RAB21: variants seen among roughly 807,000 people sequenced by gnomAD.
RAB21 encodes the protein ras-related protein Rab-21.
Under a neutral mutation model 33.1 loss-of-function variants are expected in RAB21, and 13 were observed. The observed-to-expected ratio is 0.39, with a 90% confidence interval of 0.26 to 0.62. RAB21 has a LOEUF of 0.62. Ranked by LOEUF, RAB21 falls within the 20% of genes least tolerant of loss-of-function variation. The pLI is 0.48. For missense variants in RAB21, 234 were observed against 279.1 expected, an observed-to-expected ratio of 0.84 and a Z score of 1.15; for synonymous variants, 91 against 103.7, an observed-to-expected ratio of 0.88 and a Z score of 0.74.
At chr12:71,769,755 C>A in intron 1 of RAB21, 45 bp from the exon 2 acceptor site, 1 of 1,049,390 alleles carries the variant, frequency 9.5e-7, no homozygotes, top group Non-Finnish European at 1.3e-6. Context: ...GATAAAGAAC[C>A]TTATTTTATA....
rs1430049503 is a variant in RAB21 at position 71,794,506 on chromosome 12, G to A, written c.*8833G>A. On this transcript the variant is annotated 3_prime_UTR_variant, in exon 7 of 7. Transcript: ENST00000261263. ...GGCCAGAGTGCAGTGGCGCTATCTC[G>A]GCTCACTGCAAGCTCCGGCTCCCGA... 6.6e-5 allele frequency: 8 copies of A among 121,056 alleles called. No individual in the cohort carries two copies. Among genetic ancestry groups the A allele is most frequent in the Non-Finnish European group, 9.6e-5 (6 of 62,350 alleles). The allele number at this position is 121,056 out of a possible 1,614,324, so 7.5% of individuals were successfully genotyped here.
At chr12:71,772,435 G>C (rs1883057360) in intron 3 of RAB21, among the ~76,000 whole-genome samples, 1 of 152,168 alleles carries the variant, frequency 6.6e-6, no homozygotes, top group Non-Finnish European at 1.5e-5. Flanking sequence ...TTCAGAGGGT[G>C]GGGAATTTGA....
rs775817284 is a variant in RAB21, at chr12:71,782,602, A to G, written c.479A>G (p.His160Arg). The G allele has an allele frequency of 8.1e-6, 13 of 1,603,602 alleles. No individual in the cohort carries two copies. Among genetic ancestry groups the G allele is most frequent in the Non-Finnish European group, 1.1e-5 (13 of 1,173,892 alleles). The change falls in exon 6 of 7, where the codon CAT (histidine) becomes CGT (arginine). Residue 160 changes from histidine (H) to arginine (R), a missense_variant. By Grantham distance (29) the His-to-Arg change is conservative. Coordinates refer to ENST00000261263, the MANE Select transcript of RAB21 (RefSeq NM_014999.4). ...YAESVGAKHY[H>R]TSAKQNKGIE... ...GAATCTGTGGGAGCAAAACATTATC[A>G]TACTTCAGCCAAACAGAACAAAGGA...
intron 4 of RAB21, among the ~76,000 whole-genome samples, chr12:71,780,530 A>G (rs930524020): frequency 3.9e-5 from 6 of 152,226 alleles, no homozygotes; most frequent in Non-Finnish European, 8.8e-5. Context: ...AGTTAGAACT[A>G]ATATGAAACT....
At chr12:71,776,066 GT>G in intron 4 of RAB21, among the ~76,000 whole-genome samples, 1 of 152,262 alleles carries the variant, frequency 6.6e-6, no homozygotes, top group Middle Eastern at 3.4e-3. Context: ...TCAGTACTGA[GT>G]TTTGTGTAAC....
intron 1 of RAB21, among the ~76,000 whole-genome samples, chr12:71,768,997 G>GGT (rs1020547632): frequency 3.9e-5 from 6 of 152,110 alleles, no homozygotes; most frequent in Non-Finnish European, 8.8e-5. Context: ...AGACCCACAA[G>GGT]GTAAAGTCCA....
In RAB21 at chr12:71,755,191, A is replaced by G. The variant is rs766974198; in HGVS notation, c.62A>G (p.Lys21Arg). The change falls in exon 1 of 7, where the codon AAG (lysine) becomes AGG (arginine). Residue 21 changes from lysine (K) to arginine (R), a missense_variant. By Grantham distance (26) the Lys-to-Arg change is conservative. Coordinates refer to ENST00000261263, the MANE Select transcript of RAB21 (RefSeq NM_014999.4). ...AAAAGRAYSF[K>R]VVLLGEGCVG... ...GCGGCGGGCCGAGCCTACTCGTTCA[A>G]GGTGGTGCTGCTGGGGGAAGGCTGC... The G allele has an allele frequency of 1.3e-6, 2 of 1,519,208 alleles. No individual in the cohort carries two copies. Among genetic ancestry groups the G allele is most frequent in the South Asian group, 1.3e-5 (1 of 78,078 alleles). The allele number at this position is 1,519,208 out of a possible 1,614,324, so 94.1% of individuals were successfully genotyped here.
At chr12:71,771,755 C>G (rs941115589) in intron 3 of RAB21, among the ~76,000 whole-genome samples, 7 of 152,118 alleles carry the variant, frequency 4.6e-5, no homozygotes, top group African/African-American at 1.7e-4. Flanking sequence ...CAGCGGGTCA[C>G]TTGAGGTCGG....
Position 71,791,830 on chromosome 12 carries a change from C to T in RAB21, c.*6157C>T, listed in dbSNP as rs1237349900. ...TATATCAAATTCCACCCTCAACTGA[C>T]CAATTTACCAAGGCCAACTAGAATC... On this transcript the variant is annotated 3_prime_UTR_variant, in exon 7 of 7. Transcript: ENST00000261263. The T allele has an allele frequency of 6.6e-6, 1 of 152,142 alleles. No individual in the cohort carries two copies. The highest frequency in any genetic ancestry group is 1.5e-5 in the Non-Finnish European group (1 of 68,044). The allele number at this position is 152,142 out of a possible 1,614,324, so 9.4% of individuals were successfully genotyped here.
chr12:71,781,730 C>G (rs755105022), intron 4 of RAB21, among the ~76,000 whole-genome samples: 24 of 152,140 alleles, frequency 1.6e-4, no homozygotes, highest in Non-Finnish European at 2.5e-4. Context: ...AGGTTTATCT[C>G]TAGGTCTCTG....
At chr12:71,783,482 G>T (rs1428690622) in intron 6 of RAB21, among the ~76,000 whole-genome samples, 2 of 151,214 alleles carry the variant, frequency 1.3e-5, no homozygotes, top group African/African-American at 4.9e-5. Context: ...ACACATTTTG[G>T]AATAAATTAG....
At chr12:71,771,841 T>G (rs1263957701) in intron 3 of RAB21, among the ~76,000 whole-genome samples, 1 of 151,978 alleles carries the variant, frequency 6.6e-6, no homozygotes, top group Non-Finnish European at 1.5e-5. Flanking sequence ...CTGGGTTTGG[T>G]GGCACATGCC....
At chr12:71,783,872 TC>T (rs1382898436) in intron 6 of RAB21, among the ~76,000 whole-genome samples, 13 of 151,706 alleles carry the variant, frequency 8.6e-5, no homozygotes, top group Admixed American at 8.5e-4. Context: ...CTCCCTTCCT[TC>T]CTTCTGATAA....
In RAB21 at chr12:71,788,601, A is replaced by G. The variant is rs1883330865; in HGVS notation, c.*2928A>G. The stretch of plus-strand genomic sequence containing the variant: ...ATATACCTTTTGCATTCTTTTTCTG[A>G]TAATTGTGCTATTAGGCAGAAGACA... On this transcript the variant is annotated 3_prime_UTR_variant, in exon 7 of 7. Transcript: ENST00000261263. 1 of 152,152 alleles carries G rather than the reference A, an allele frequency of 6.6e-6. No homozygotes were observed. The highest frequency in any genetic ancestry group is 2.1e-4 in the South Asian group (1 of 4,832). The allele number at this position is 152,152 out of a possible 1,614,324, so 9.4% of individuals were successfully genotyped here.
chr12:71,755,142 G>A lies in RAB21; in HGVS notation c.13G>A (p.Gly5Ser), dbSNP rs1233318066. 9.4e-6 allele frequency: 11 copies of A among 1,165,746 alleles called. No individual in the cohort carries two copies. 72.2% of individuals were successfully genotyped at this position (1,165,746 alleles called of 1,614,324 possible). The change falls in exon 1 of 7, where the codon GGC becomes AGC. Residue 5 changes from glycine (G) to serine (S), a missense_variant. Coordinates refer to ENST00000261263, the MANE Select transcript of RAB21 (RefSeq NM_014999.4). Reference sequence around the variant, plus strand: ...GGGAAGCGACGGGATGGCTGCGGCCGGCGGCGGCGGCGGCGGGGCGGCGGC... The same window carrying A: ...GGGAAGCGACGGGATGGCTGCGGCCAGCGGCGGCGGCGGCGGGGCGGCGGC... MAAAGGGGGGAAAAG... is the reference protein window; with the variant it reads MAAASGGGGGAAAAG...
chr12:71,765,959 G>A (rs1882954672), intron 1 of RAB21, among the ~76,000 whole-genome samples: 1 of 151,802 alleles, frequency 6.6e-6, no homozygotes, highest in Admixed American at 6.6e-5. Context: ...TAAAAACTTA[G>A]GATTTATATC....
intron 1 of RAB21, among the ~76,000 whole-genome samples, chr12:71,760,234 G>A (rs932636338): frequency 2.6e-5 from 4 of 152,098 alleles, no homozygotes; most frequent in Non-Finnish European, 4.4e-5. Flanking sequence ...CTACATTTCC[G>A]GAATTCACTT....
At chr12:71,781,640 T>A (rs1220628803) in intron 4 of RAB21, among the ~76,000 whole-genome samples, 1 of 152,196 alleles carries the variant, frequency 6.6e-6, no homozygotes, top group African/African-American at 2.4e-5. Flanking sequence ...TAGCCATACT[T>A]ATTGACCGGC....
chr12:71,791,817 C>T lies in RAB21; in HGVS notation c.*6144C>T, dbSNP rs1424029746. On this transcript the variant is annotated 3_prime_UTR_variant, in exon 7 of 7. Coordinates refer to ENST00000261263, the MANE Select transcript of RAB21 (RefSeq NM_014999.4). ...GGAACTTCTACCCTATATCAAATTCCACCCTCAACTGACCAATTTACCAAG... is the reference window on the plus strand; with the variant it reads ...GGAACTTCTACCCTATATCAAATTCTACCCTCAACTGACCAATTTACCAAG... 4 of 152,024 alleles carry T rather than the reference C, an allele frequency of 2.6e-5. No homozygotes were observed. Among genetic ancestry groups the T allele is most frequent in the Non-Finnish European group, 5.9e-5 (4 of 68,008 alleles). The allele number at this position is 152,024 out of a possible 1,614,324, so 9.4% of individuals were successfully genotyped here.
Sources: allele counts gnomAD v4.1 joint callset (sites outside exome capture counted in the v4.1 genomes callset), GRCh38; gene constraint gnomAD v4.1.1; transcripts MANE v1.5; gene names NCBI Gene and HGNC (gene_info 2026-07-23, HGNC 2026-07-21).